The following ZFP90 variants were observed in gnomAD, a reference collection of about 807,000 sequenced individuals.
ZFP90 encodes the protein zinc finger protein 90 homolog.
In ZFP90, 38 loss-of-function variants were observed where a neutral mutation model predicts 60.8. The ratio of observed to expected loss-of-function variants is 0.62; its 90% CI spans 0.48 to 0.82. ZFP90 has a LOEUF of 0.82. Ranked by LOEUF, ZFP90 falls within the 40% of genes least tolerant of loss-of-function variation. The pLI is 0.00. For missense variants in ZFP90, 711 were observed against 759.1 expected (o/e 0.94, Z 0.74); for synonymous variants, 287 against 264.8 (o/e 1.08, Z -0.82).
At position 68,564,544 on chromosome 16, in the gene ZFP90, G is replaced by GT; in HGVS notation, c.1758dup (p.Gly587TrpfsTer12). On this transcript the variant is annotated frameshift_variant, in exon 5 of 5. Transcript: ENST00000563169. LOFTEE classifies it high-confidence loss of function. ...GAGAAGCCCTATGAATGTAATGAAT[G>GT]TGGGAGAGCCTTCCGAAAAAAAACC... 1 of 1,614,034 alleles carries GT rather than the reference G, an allele frequency of 6.2e-7. No homozygotes were observed. The highest frequency in any genetic ancestry group is 8.5e-7 in the Non-Finnish European group (1 of 1,179,960).
At chr16:68,557,304 C>T (rs199784058) in intron 2 of ZFP90, 143 of 454,718 alleles carry the variant, frequency 3.1e-4, no homozygotes, top group East Asian at 1.2e-3. Context: ...GTGAACCACC[C>T]GCGTGCCCTG....
chr16:68,573,912 C>T (rs148281203), intron 2 of ZFP90: 2 of 152,244 alleles, frequency 1.3e-5, no homozygotes, highest in Non-Finnish European at 1.5e-5. Context: ...CGCTTTTGGT[C>T]TGCTCGGCCA....
upstream of ZFP90, among the ~76,000 whole-genome samples, chr16:68,538,294 T>G (rs1450763459): frequency 6.6e-6 from 1 of 152,224 alleles, no homozygotes; most frequent in Non-Finnish European, 1.5e-5. Context: ...TTTTCTACCA[T>G]GTTGGTATGC....
rs10658760 is a variant in ZFP90 at position 68,574,926 on chromosome 16, C to CAAAA, written c.224-852_224-849dup. Among the ~76,000 whole-genome samples the CAAAA allele has an allele frequency of 8.8e-3, 913 of 103,582 alleles. 50 individuals are homozygous for CAAAA. Among genetic ancestry groups the CAAAA allele is most frequent in the African/African-American group, 0.028 (738 of 26,274 alleles). The allele number at this position is 103,582 out of a possible 152,430, so 68.0% of individuals were successfully genotyped here. A position where few individuals can be genotyped will look rare whatever the true frequency, so the allele number is the denominator to read the frequency against. ...TGGGCCACAGAGTGAGACCCTGTCT[C>CAAAA]AAAAAAAAAAAAAAAAGTGGAAAAA... On this transcript the variant is annotated intron_variant, in intron 2 of 2. Transcript: ENST00000573113.
At position 68,566,210 on chromosome 16, in the gene ZFP90, A is replaced by G. The variant is rs1370423482; in HGVS notation, c.*1512A>G. 1.0e-5 allele frequency: 10 copies of G among 985,408 alleles called. No individual in the cohort carries two copies. In the South Asian group the frequency reaches 1.4e-4, roughly 14 times the overall value. The allele number at this position is 985,408 out of a possible 1,614,324, so 61.0% of individuals were successfully genotyped here. A position where few individuals can be genotyped will look rare whatever the true frequency, so the allele number is the denominator to read the frequency against. On this transcript the variant is annotated 3_prime_UTR_variant, in exon 5 of 5. Coordinates refer to ENST00000563169, the MANE Select transcript of ZFP90 (RefSeq NM_001305203.2). ...GCTTCAGTGGCCTGCTCCATCCCCT[A>G]ATGACTCCCATGGGCTATCCTAAAG...
intron 2 of ZFP90, among the ~76,000 whole-genome samples, chr16:68,574,627 T>A (rs1387981027): frequency 6.6e-6 from 1 of 152,104 alleles, no homozygotes; most frequent in African/African-American, 2.4e-5. Context: ...ATTTTGCTGA[T>A]GAAAGACACG....
chr16:68,565,089 A>G lies in ZFP90; in HGVS notation c.*391A>G, dbSNP rs2091504710. On this transcript the variant is annotated 3_prime_UTR_variant, in exon 5 of 5. Transcript: ENST00000563169. ...ATTTTAAAAATTGCTTGACAACTGC[A>G]CTCAACTGCAGCTCTTACATTAACT... The G allele has an allele frequency of 2.0e-6, 2 of 996,110 alleles. No homozygotes were observed. Among genetic ancestry groups the G allele is most frequent in the Non-Finnish European group, 2.4e-6 (2 of 836,980 alleles). The allele number at this position is 996,110 out of a possible 1,614,324, so 61.7% of individuals were successfully genotyped here. A position where few individuals can be genotyped will look rare whatever the true frequency, so the allele number is the denominator to read the frequency against.
intron 2 of ZFP90, 114 bp from the exon 3 acceptor site, chr16:68,557,884 C>T (rs2091371039): frequency 3.5e-6 from 5 of 1,412,368 alleles, no homozygotes; most frequent in Non-Finnish European, 4.9e-6. Flanking sequence ...ATTGCCTCCT[C>T]AATCTAACAA....
At chr16:68,543,751 G>A (rs1019700927) in intron 2 of ZFP90, among the ~76,000 whole-genome samples, 4 of 151,894 alleles carry the variant, frequency 2.6e-5, no homozygotes, top group South Asian at 2.1e-4. Context: ...GGTACAGACA[G>A]GGTTTCACCA....
At chr16:68,557,968 C>G (rs764744318) in intron 2 of ZFP90, 30 bp from the exon 3 acceptor site, 15 of 1,612,486 alleles carry the variant, frequency 9.3e-6, no homozygotes, top group Non-Finnish European at 1.3e-5. Context: ...TGGGGTTGAT[C>G]CCCAGTTGAA....
At position 68,563,196 on chromosome 16, in the gene ZFP90, C is replaced by T. The variant is rs1228189884; in HGVS notation, c.409C>T (p.His137Tyr). The change falls in exon 5 of 5, where the codon CAT becomes TAT. Residue 137 changes from histidine (H) to tyrosine (Y), a missense_variant. Transcript: ENST00000563169. ...LDRQQENWKR[H>Y]LGSEASTQKK... ...CAGGCAACAGGAAAACTGGAAGAGA[C>T]ATCTGGGATCAGAGGCATCCACCCA... 6.2e-7 allele frequency: 1 copy of T among 1,614,146 alleles called. No homozygotes were observed. The highest frequency in any genetic ancestry group is 2.2e-5 in the East Asian group (1 of 44,886).
rs2091473291 is a variant in ZFP90 at position 68,563,762 on chromosome 16, T to C, written c.975T>C (p.Leu325=). The stretch of plus-strand genomic sequence containing the variant: ...AAGCCTTCCAGCGCAGCTCCTCCCT[T>C]GTTCAACACCAGCGAATTCACACTG... ...CGKAFQRSSS[L]VQHQRIHTGE... The change falls in exon 5 of 5, where the codon CTT becomes CTC. Residue 325 remains leucine (L), a synonymous_variant. Coordinates refer to ENST00000563169, the MANE Select transcript of ZFP90 (RefSeq NM_001305203.2). 2 of 1,613,958 alleles carry C rather than the reference T, an allele frequency of 1.2e-6. No individual in the cohort carries two copies. The highest frequency in any genetic ancestry group is 1.7e-5 in the Admixed American group (1 of 59,972).
intron 2 of ZFP90, among the ~76,000 whole-genome samples, chr16:68,553,627 G>A (rs2091295402): frequency 6.6e-6 from 1 of 151,894 alleles, no homozygotes; most frequent in African/African-American, 2.4e-5. Flanking sequence ...GTTTTGTTTT[G>A]TTTTTCTTTG....
At chr16:68,541,901 T>A (rs1420661149) in intron 2 of ZFP90, among the ~76,000 whole-genome samples, 1 of 152,182 alleles carries the variant, frequency 6.6e-6, no homozygotes, top group Non-Finnish European at 1.5e-5. Context: ...AAACTTGACT[T>A]TTCAAGCTAT....
upstream of ZFP90, chr16:68,535,685 G>A (rs2090955234): frequency 6.6e-6 from 1 of 151,526 alleles, no homozygotes; most frequent in African/African-American, 2.4e-5. Flanking sequence ...GAAAAACAAA[G>A]CTCAAGTTTG....
chr16:68,559,014 C>T (rs1243759677), intron 4 of ZFP90, among the ~76,000 whole-genome samples: 1 of 152,180 alleles, frequency 6.6e-6, no homozygotes, highest in East Asian at 1.9e-4. Flanking sequence ...CATCTTCCTT[C>T]CATCTCATGT....
intron 2 of ZFP90, 116 bp from the exon 3 acceptor site, chr16:68,557,882 C>T (rs2091370999): frequency 5.7e-6 from 8 of 1,401,974 alleles, no homozygotes; most frequent in Non-Finnish European, 7.9e-6. Context: ...ACATTGCCTC[C>T]TCAATCTAAC....
At chr16:68,544,935 A>T (rs1184047588) in intron 2 of ZFP90, among the ~76,000 whole-genome samples, 2 of 125,604 alleles carry the variant, frequency 1.6e-5, no homozygotes, top group Non-Finnish European at 3.1e-5. Context: ...GCTGAAGTGC[A>T]GTGGCGTGAT....
In ZFP90 at chr16:68,563,758, C is replaced by T. The variant is rs770590135; in HGVS notation, c.971C>T (p.Ser324Phe). Residue 324 changes from serine to phenylalanine, a missense_variant, in exon 5 of 5, where the codon TCC becomes TTC. Ser to Phe is a radical substitution (Grantham distance 155). Coordinates refer to ENST00000563169, the MANE Select transcript of ZFP90 (RefSeq NM_001305203.2). Reference protein sequence around the residue: ...LCGKAFQRSSSLVQHQRIHTG... With the variant: ...LCGKAFQRSSFLVQHQRIHTG... ...GGGAAAGCCTTCCAGCGCAGCTCCT[C>T]CCTTGTTCAACACCAGCGAATTCAC... 6.2e-7 allele frequency: 1 copy of T among 1,613,936 alleles called. No homozygotes were observed. The highest frequency in any genetic ancestry group is 8.5e-7 in the Non-Finnish European group (1 of 1,179,984).
Sources: gnomAD v4.1 joint callset for allele counts (sites outside exome capture counted in the v4.1 genomes callset) on GRCh38, gnomAD v4.1.1 for gene constraint, MANE v1.5 for transcripts, NCBI Gene and HGNC (gene_info 2026-07-23, HGNC 2026-07-21) for gene names.